UVRAG: variants seen among roughly 807,000 people sequenced by gnomAD.
The protein encoded by UVRAG is UV radiation resistance-associated gene protein.
UVRAG carries 19 observed loss-of-function variants against 78.0 expected under a neutral mutation model. The ratio of observed to expected loss-of-function variants is 0.24; its 90% CI spans 0.17 to 0.36. The LOEUF (loss-of-function observed/expected upper bound fraction) is 0.36, where lower values mean the gene tolerates loss of function less well. UVRAG is among the 10% of genes least tolerant of loss of function. The pLI, the probability that UVRAG is intolerant of heterozygous loss-of-function variation, is 1.00. For missense variants in UVRAG, 740 were observed against 853.8 expected (o/e 0.87, Z 1.66); for synonymous variants, 323 against 324.6 (o/e 1.00, Z 0.05).
At chr11:75,902,280 G>T (rs1212055244) in intron 5 of UVRAG, among the ~76,000 whole-genome samples, 1 of 152,172 alleles carries the variant, frequency 6.6e-6, no homozygotes, top group Non-Finnish European at 1.5e-5. Flanking sequence ...CGGGAGTGGG[G>T]ACGGTTTCAG....
chr11:76,053,562 G>A (rs1451212572), intron 12 of UVRAG, among the ~76,000 whole-genome samples: 1 of 152,040 alleles, frequency 6.6e-6, no homozygotes, highest in African/African-American at 2.4e-5. Flanking sequence ...AACCAAAACT[G>A]TTATTTCTGG....
At chr11:76,066,673 C>G (rs1429423303) in intron 13 of UVRAG, among the ~76,000 whole-genome samples, 1 of 152,048 alleles carries the variant, frequency 6.6e-6, no homozygotes, top group Non-Finnish European at 1.5e-5. Flanking sequence ...GGGGTTTCAC[C>G]GTGTTAGGCA....
At chr11:75,958,313 C>A (rs1375552997) in intron 6 of UVRAG, among the ~76,000 whole-genome samples, 1 of 152,204 alleles carries the variant, frequency 6.6e-6, no homozygotes, top group African/African-American at 2.4e-5. Flanking sequence ...GAACTTCTTT[C>A]AAAATTGGAG....
chr11:76,016,041 G>GA (rs1950139656), intron 11 of UVRAG, among the ~76,000 whole-genome samples: 1 of 152,176 alleles, frequency 6.6e-6, no homozygotes, highest in South Asian at 2.1e-4. Flanking sequence ...CTTAGCCCCT[G>GA]AATCATCATT....
At chr11:76,121,210 A>C (rs1263449064) in intron 14 of UVRAG, among the ~76,000 whole-genome samples, 1 of 152,346 alleles carries the variant, frequency 6.6e-6, no homozygotes, top group South Asian at 2.1e-4. Context: ...CGACCTGATT[A>C]ATCCTAAAAT....
At chr11:75,930,592 C>T (rs1285223767) in intron 6 of UVRAG, among the ~76,000 whole-genome samples, 2 of 152,194 alleles carry the variant, frequency 1.3e-5, no homozygotes, top group East Asian at 1.9e-4. Context: ...ATGTGTTAAG[C>T]ATTCCAATTT....
chr11:76,104,249 C>T (rs1951932832), intron 13 of UVRAG, among the ~76,000 whole-genome samples: 1 of 152,128 alleles, frequency 6.6e-6, no homozygotes. Context: ...CCATGCCTAG[C>T]ACAGATTGCA....
At chr11:75,930,207 A>G (rs544572225) in intron 6 of UVRAG, among the ~76,000 whole-genome samples, 1 of 152,174 alleles carries the variant, frequency 6.6e-6, no homozygotes, top group Admixed American at 6.5e-5. Context: ...ATTGTACACT[A>G]CTTTCTTAGC....
chr11:76,003,511 G>A (rs962577989), intron 8 of UVRAG, among the ~76,000 whole-genome samples: 9 of 151,870 alleles, frequency 5.9e-5, no homozygotes, highest in Admixed American at 2.6e-4. Flanking sequence ...ATGAGCCACC[G>A]CACCTGGCCT....
At chr11:75,861,716 C>A in intron 2 of UVRAG, 30 bp from the exon 3 acceptor site, 2 of 1,538,728 alleles carry the variant, frequency 1.3e-6, no homozygotes, top group African/African-American at 1.4e-5. Flanking sequence ...TCTTTCATAT[C>A]ACTTATTGTT....
chr11:75,897,672 C>T (rs942989836), intron 5 of UVRAG, among the ~76,000 whole-genome samples: 21 of 149,858 alleles, frequency 1.4e-4, no homozygotes, highest in African/African-American at 4.7e-4. Flanking sequence ...TATAGGCATC[C>T]GCCACCACAC....
chr11:76,054,370 G>A (rs1321583645), intron 12 of UVRAG, among the ~76,000 whole-genome samples: 1 of 152,128 alleles, frequency 6.6e-6, no homozygotes, highest in Non-Finnish European at 1.5e-5. Flanking sequence ...CTAAATTTTT[G>A]CAGTAGCCTC....
chr11:76,021,626 TATA>T (rs1950247966), intron 12 of UVRAG, among the ~76,000 whole-genome samples: 1 of 152,242 alleles, frequency 6.6e-6, no homozygotes, highest in Non-Finnish European at 1.5e-5. Flanking sequence ...ATCTTTCTTT[TATA>T]ATGTCAGTGT....
chr11:75,886,910 T>C (rs1315303658), intron 4 of UVRAG, among the ~76,000 whole-genome samples: 18 of 152,150 alleles, frequency 1.2e-4, no homozygotes, highest in Admixed American at 1.1e-3. Flanking sequence ...ATTTATATAT[T>C]TCATAGTTGG....
chr11:75,947,575 AAAT>A (rs1402530621), intron 6 of UVRAG, among the ~76,000 whole-genome samples: 1 of 152,212 alleles, frequency 6.6e-6, no homozygotes, highest in Admixed American at 6.5e-5. Flanking sequence ...GGTTTAACCT[AAAT>A]AATGTGTCTG....
chr11:75,882,531 T>G (rs1455069345), intron 4 of UVRAG, among the ~76,000 whole-genome samples: 1 of 152,018 alleles, frequency 6.6e-6, no homozygotes, highest in Non-Finnish European at 1.5e-5. Context: ...AAAAAAATTT[T>G]TTTTGAAAAT....
chr11:75,887,243 A>G (rs1465986766), intron 4 of UVRAG, among the ~76,000 whole-genome samples: 5 of 149,626 alleles, frequency 3.3e-5, no homozygotes. Context: ...CCTCCCGGGT[A>G]CAAGCGATTC....
intron 4 of UVRAG, among the ~76,000 whole-genome samples, chr11:75,885,175 T>A (rs1273415154): frequency 6.6e-6 from 1 of 152,136 alleles, no homozygotes; most frequent in South Asian, 2.1e-4. Flanking sequence ...TATATATCTC[T>A]GTACTGAGCT....
intron 14 of UVRAG, among the ~76,000 whole-genome samples, chr11:76,140,134 T>C (rs1591278637): frequency 2.2e-5 from 2 of 90,056 alleles, no homozygotes; most frequent in Non-Finnish European, 4.1e-5. Context: ...TCTCTCTCTC[T>C]CTCTCTCTCT....
Sources: allele counts gnomAD v4.1 joint callset (sites outside exome capture counted in the v4.1 genomes callset), GRCh38; gene constraint gnomAD v4.1.1; transcripts MANE v1.5; gene names NCBI Gene and HGNC (gene_info 2026-07-23, HGNC 2026-07-21).